Variants in ADGRB3 observed in about 807,000 individuals in gnomAD.
ADGRB3 encodes the protein adhesion G protein-coupled receptor B3, also known as brain-specific angiogenesis inhibitor 3.
ADGRB3 carries 37 observed loss-of-function variants against 193.4 expected under a neutral mutation model. That is an observed-to-expected ratio of 0.19 (90% CI 0.15 to 0.25). ADGRB3 has a LOEUF of 0.25. Ranked by LOEUF, ADGRB3 falls within the 10% of genes least tolerant of loss-of-function variation. ADGRB3 has a pLI of 1.00. For synonymous variants in ADGRB3, 690 were observed against 644.2 expected, an observed-to-expected ratio of 1.07 and a Z score of -1.08; for missense variants, 1,637 against 1,852.9, an observed-to-expected ratio of 0.88 and a Z score of 2.14.
chr6:69,176,868 G>C (rs573663322), intron 17 of ADGRB3, among the ~76,000 whole-genome samples: 1 of 152,216 alleles, frequency 6.6e-6, no homozygotes, highest in Admixed American at 6.5e-5. Flanking sequence ...GACATTGTAT[G>C]CTTCTAGGAA....
rs1465474416 is a variant in ADGRB3, at chr6:69,325,038, T to C, written c.2965+16T>C. 2.5e-6 allele frequency: 4 copies of C among 1,608,554 alleles called. No individual in the cohort carries two copies. The East Asian group carries it at 6.7e-5, about 27-fold the overall frequency. On this transcript the variant is annotated intron_variant, in intron 21 of 31. Coordinates refer to ENST00000370598, the MANE Select transcript of ADGRB3 (RefSeq NM_001704.3). ...CTTGGATGGGGTAAGCATATTGATA[T>C]ACCGTTTCATGCTCTTCTCAAAATG...
chr6:69,159,282 A>G (rs1251369253), intron 17 of ADGRB3, among the ~76,000 whole-genome samples: 2 of 152,154 alleles, frequency 1.3e-5, no homozygotes, highest in African/African-American at 4.8e-5. Flanking sequence ...AAACTAAAAC[A>G]AATGGCTTTC....
At chr6:69,158,625 A>G (rs1203702178) in intron 17 of ADGRB3, among the ~76,000 whole-genome samples, 1 of 152,168 alleles carries the variant, frequency 6.6e-6, no homozygotes, top group Non-Finnish European at 1.5e-5. Flanking sequence ...AATGTTTATT[A>G]TTAATACTAC....
chr6:69,284,969 G>A (rs1216661534), intron 20 of ADGRB3, among the ~76,000 whole-genome samples: 1 of 152,050 alleles, frequency 6.6e-6, no homozygotes, highest in Non-Finnish European at 1.5e-5. Context: ...AAAAGCATTA[G>A]GAATACAGCT....
chr6:69,119,078 A>G (rs758294429), intron 17 of ADGRB3, among the ~76,000 whole-genome samples: 14 of 152,222 alleles, frequency 9.2e-5, no homozygotes, highest in East Asian at 5.8e-4. Flanking sequence ...TATTAGCAGC[A>G]TTTCGAGTCC....
intron 17 of ADGRB3, among the ~76,000 whole-genome samples, chr6:69,156,040 C>T (rs1055460755): frequency 2.6e-5 from 4 of 151,898 alleles, no homozygotes; most frequent in African/African-American, 4.8e-5. Flanking sequence ...TACATATGCT[C>T]GTTAATTTAA....
chr6:69,123,400 A>G (rs1773771575), intron 17 of ADGRB3, among the ~76,000 whole-genome samples: 2 of 152,182 alleles, frequency 1.3e-5, no homozygotes, highest in African/African-American at 4.8e-5. Flanking sequence ...ATATTCTTGC[A>G]GATTGTTCAA....
At chr6:68,954,946 G>T (rs1485588911) in intron 6 of ADGRB3, among the ~76,000 whole-genome samples, 1 of 152,130 alleles carries the variant, frequency 6.6e-6, no homozygotes, top group Non-Finnish European at 1.5e-5. Context: ...CTCCCAAAGT[G>T]CTGCGATTAC....
chr6:68,864,882 G>C (rs986878756), intron 3 of ADGRB3, among the ~76,000 whole-genome samples: 2 of 117,382 alleles, frequency 1.7e-5, no homozygotes, highest in African/African-American at 5.2e-5. Context: ...GTAGCAAGTA[G>C]TATCTGAATA....
intron 17 of ADGRB3, among the ~76,000 whole-genome samples, chr6:69,198,128 T>TA (rs1230940992): frequency 2.0e-5 from 3 of 152,106 alleles, no homozygotes; most frequent in African/African-American, 7.2e-5. Flanking sequence ...ATTAATTCAT[T>TA]ACCATCTGAT....
chr6:68,818,114 A>G (rs1399404573), intron 3 of ADGRB3, among the ~76,000 whole-genome samples: 2 of 152,042 alleles, frequency 1.3e-5, no homozygotes, highest in Non-Finnish European at 2.9e-5. Context: ...TCAGTTTGCT[A>G]TATTAGCTGA....
chr6:69,221,405 A>G (rs137913314), intron 17 of ADGRB3, among the ~76,000 whole-genome samples: 304 of 152,212 alleles, frequency 2.0e-3, no homozygotes, highest in African/African-American at 6.8e-3. Context: ...TTGCTTTTCC[A>G]CTGCTACTCT....
intron 20 of ADGRB3, among the ~76,000 whole-genome samples, chr6:69,250,757 A>C (rs1766601849): frequency 6.6e-6 from 1 of 152,232 alleles, no homozygotes; most frequent in Non-Finnish European, 1.5e-5. Context: ...CTTCCTGGGC[A>C]TGCACCACTT....
intron 3 of ADGRB3, among the ~76,000 whole-genome samples, chr6:68,838,119 C>T (rs907717240): frequency 2.0e-5 from 3 of 152,096 alleles, no homozygotes; most frequent in Non-Finnish European, 2.9e-5. Context: ...GGAACTCTGC[C>T]AACTGCTACC....
chr6:68,682,863 T>G (rs768111114), intron 3 of ADGRB3, among the ~76,000 whole-genome samples: 1 of 151,900 alleles, frequency 6.6e-6, no homozygotes, highest in Non-Finnish European at 1.5e-5. Context: ...CTGCAACCTC[T>G]GCTTCCCGGG....
chr6:69,337,628 C>A (rs1174079539), intron 24 of ADGRB3, among the ~76,000 whole-genome samples: 1 of 152,064 alleles, frequency 6.6e-6, no homozygotes, highest in Non-Finnish European at 1.5e-5. Context: ...CTACATGTGC[C>A]CTGGAGTGGA....
intron 3 of ADGRB3, among the ~76,000 whole-genome samples, chr6:68,721,627 A>ATATATATAT (rs1765581656): frequency 3.6e-5 from 5 of 140,264 alleles, no homozygotes; most frequent in African/African-American, 1.3e-4. Context: ...AAGTATAATA[A>ATATATATAT]ATATATATAT....
chr6:69,368,333 G>A (rs1225790193), intron 29 of ADGRB3, among the ~76,000 whole-genome samples: 3 of 152,064 alleles, frequency 2.0e-5, no homozygotes, highest in Non-Finnish European at 2.9e-5. Context: ...GATAACAGTT[G>A]CTTTGACTGT....
At chr6:68,900,568 T>A (rs922861187) in intron 3 of ADGRB3, among the ~76,000 whole-genome samples, 1 of 152,134 alleles carries the variant, frequency 6.6e-6, no homozygotes, top group African/African-American at 2.4e-5. Flanking sequence ...ACCCATTCTG[T>A]GAATTTCAGT....
Sources: gnomAD v4.1 joint callset for allele counts (sites outside exome capture counted in the v4.1 genomes callset) on GRCh38, gnomAD v4.1.1 for gene constraint, MANE v1.5 for transcripts, NCBI Gene and HGNC (gene_info 2026-07-23, HGNC 2026-07-21) for gene names.